The following NCKAP5 variants were observed in gnomAD, a reference collection of about 807,000 sequenced individuals.
NCKAP5 encodes NCK associated protein 5, also known as nck-associated protein 5.
A neutral mutation model predicts 167.0 loss-of-function variants in NCKAP5; 92 were observed. The ratio of observed to expected loss-of-function variants is 0.55; its 90% confidence interval spans 0.47 to 0.66. The LOEUF (loss-of-function observed/expected upper bound fraction) is 0.66. Ranked by LOEUF, NCKAP5 falls within the 30% of genes least tolerant of loss-of-function variation. The pLI is 0.00. For missense variants in NCKAP5, 2,378 were observed against 2,315.0 expected, an observed-to-expected ratio of 1.03 and a Z score of -0.56; for synonymous variants, 891 against 877.4, an observed-to-expected ratio of 1.02 and a Z score of -0.27.
intron 11 of NCKAP5, among the ~76,000 whole-genome samples, chr2:132,858,564 G>A (rs115344356): frequency 0.017 from 2,590 of 152,240 alleles, 71 homozygotes; most frequent in African/African-American, 0.06. Flanking sequence ...AGCCAGTCAT[G>A]TCCTCTGTCT....
chr2:133,289,997 C>T (rs1559355388), intron 4 of NCKAP5, among the ~76,000 whole-genome samples: 1 of 152,160 alleles, frequency 6.6e-6, no homozygotes, highest in Non-Finnish European at 1.5e-5. Flanking sequence ...CCTTCATGAT[C>T]CAGTCACCTC....
rs188068374 is a variant in NCKAP5, at chr2:133,544,037, A to G, written c.-62+15013T>C. ...TGAGCAATGGATTTCTTTGCAAATA[A>G]CTTATGCTGCTTCATGACTACTTAG... is the stretch of plus-strand genomic sequence containing the variant. On this transcript the variant is annotated intron_variant, in intron 2 of 19. Transcript: ENST00000409261. Among the ~76,000 whole-genome samples, 5 of 152,332 alleles carry G rather than the reference A, an allele frequency of 3.3e-5. No individual in the cohort carries two copies. In the East Asian group the frequency reaches 9.6e-4, roughly 29 times the overall value.
intron 3 of NCKAP5, among the ~76,000 whole-genome samples, chr2:133,414,659 C>T (rs764011734): frequency 1.3e-5 from 2 of 152,184 alleles, no homozygotes; most frequent in African/African-American, 4.8e-5. Flanking sequence ...CTTACACCAC[C>T]TCTCACTATG....
intron 6 of NCKAP5, among the ~76,000 whole-genome samples, chr2:133,024,306 A>G (rs2078624355): frequency 6.6e-6 from 1 of 152,230 alleles, no homozygotes; most frequent in African/African-American, 2.4e-5. Flanking sequence ...ATTTTAGTAG[A>G]CTATAAGCTA....
intron 6 of NCKAP5, among the ~76,000 whole-genome samples, chr2:133,045,746 T>C (rs1173889794): frequency 1.3e-5 from 2 of 152,194 alleles, no homozygotes; most frequent in East Asian, 3.8e-4. Flanking sequence ...CATTCTGTAA[T>C]AAAAGTTATG....
the NCKAP5 span, among the ~76,000 whole-genome samples, chr2:133,609,360 G>T: frequency 6.6e-6 from 1 of 152,176 alleles, no homozygotes; most frequent in African/African-American, 2.4e-5. Flanking sequence ...TATTTAATTT[G>T]ATATGTTCAC....
At chr2:133,259,731 T>A (rs2088809470) in intron 4 of NCKAP5, among the ~76,000 whole-genome samples, 1 of 152,202 alleles carries the variant, frequency 6.6e-6, no homozygotes, top group African/African-American at 2.4e-5. Flanking sequence ...CCTAATCTGA[T>A]CTAAAGTAGA....
At chr2:132,734,411 G>A (rs965902760) in intron 16 of NCKAP5, among the ~76,000 whole-genome samples, 7 of 152,162 alleles carry the variant, frequency 4.6e-5, no homozygotes, top group Non-Finnish European at 7.3e-5. Flanking sequence ...ATCTTCATCA[G>A]AACCGACTCA....
At chr2:133,429,019 C>T (rs72846345) in intron 3 of NCKAP5, among the ~76,000 whole-genome samples, 16,598 of 152,098 alleles carry the variant, frequency 0.11, 964 homozygotes, top group Middle Eastern at 0.18. Context: ...TTAGGAATCT[C>T]TCCTGTGAAA....
chr2:133,249,360 G>A (rs2088181485), intron 4 of NCKAP5, among the ~76,000 whole-genome samples: 1 of 152,146 alleles, frequency 6.6e-6, no homozygotes, highest in African/African-American at 2.4e-5. Context: ...AGAAACCAAG[G>A]AATGTGAACA....
intron 18 of NCKAP5, among the ~76,000 whole-genome samples, chr2:132,727,669 C>T (rs1690594143): frequency 6.6e-6 from 1 of 152,172 alleles, no homozygotes; most frequent in Non-Finnish European, 1.5e-5. Flanking sequence ...CCTCTCAGAC[C>T]CACGTCTTGT....
chr2:133,054,487 GAGA>G (rs1466328298), intron 6 of NCKAP5, among the ~76,000 whole-genome samples: 2 of 152,270 alleles, frequency 1.3e-5, no homozygotes, highest in Non-Finnish European at 2.9e-5. Context: ...GGGAGCCTGG[GAGA>G]AGAACATGCA....
chr2:133,161,200 A>T (rs1179016069), intron 5 of NCKAP5, among the ~76,000 whole-genome samples: 7 of 152,102 alleles, frequency 4.6e-5, no homozygotes, highest in African/African-American at 1.7e-4. Context: ...CATCTCTCCA[A>T]CTTCCACCCC....
chr2:132,673,443 G>T, intron 19 of NCKAP5, 138 bp from the exon 20 acceptor site: 1 of 649,144 alleles, frequency 1.5e-6, no homozygotes, highest in Non-Finnish European at 2.2e-6. Flanking sequence ...TAATCTTCTA[G>T]TATAATTAGA....
intron 4 of NCKAP5, among the ~76,000 whole-genome samples, chr2:133,214,070 A>G (rs1327939872): frequency 6.6e-6 from 1 of 152,204 alleles, no homozygotes; most frequent in Admixed American, 6.5e-5. Context: ...TAAATTTTTC[A>G]TGGCTATAGT....
At chr2:133,360,663 C>T (rs1474103118) in intron 3 of NCKAP5, among the ~76,000 whole-genome samples, 2 of 152,030 alleles carry the variant, frequency 1.3e-5, no homozygotes, top group East Asian at 1.9e-4. Context: ...CTATACTGGA[C>T]ATGCAAGTCA....
At chr2:132,987,375 T>C (rs1320836228) in intron 7 of NCKAP5, among the ~76,000 whole-genome samples, 4 of 152,216 alleles carry the variant, frequency 2.6e-5, no homozygotes, top group African/African-American at 9.6e-5. Context: ...TGTCATGTGC[T>C]TTCCACATAC....
chr2:133,205,812 A>G (rs943745560), intron 5 of NCKAP5, among the ~76,000 whole-genome samples: 1 of 152,022 alleles, frequency 6.6e-6, no homozygotes, highest in Non-Finnish European at 1.5e-5. Context: ...AATATCTCAT[A>G]CATTTCTTCT....
chr2:132,691,753 G>C (rs1415344146), intron 19 of NCKAP5, among the ~76,000 whole-genome samples: 2 of 152,000 alleles, frequency 1.3e-5, no homozygotes, highest in African/African-American at 4.8e-5. Context: ...TCCCTGACTG[G>C]AGGGATGTCA....
Sources: gnomAD v4.1 joint callset for allele counts (sites outside exome capture counted in the v4.1 genomes callset) on GRCh38, gnomAD v4.1.1 for gene constraint, MANE v1.5 for transcripts, NCBI Gene and HGNC (gene_info 2026-07-23, HGNC 2026-07-21) for gene names.